Variants in ZNRF1 observed in about 807,000 individuals in gnomAD.
ZNRF1 encodes the protein E3 ubiquitin-protein ligase ZNRF1.
In ZNRF1, 3 loss-of-function variants were observed where a neutral mutation model predicts 18.4. That is an observed-to-expected ratio of 0.16 (90% CI 0.07 to 0.42). The LOEUF (loss-of-function observed/expected upper bound fraction) is 0.42. ZNRF1 is among the 10% of genes least tolerant of loss of function. The pLI is 0.99. For missense variants in ZNRF1, 310 were observed against 329.8 expected, an observed-to-expected ratio of 0.94 and a Z score of 0.47; for synonymous variants, 157 against 144.2, an observed-to-expected ratio of 1.09 and a Z score of -0.64.
chr16:75,048,278 T>G (rs1432534354), intron 1 of ZNRF1, among the ~76,000 whole-genome samples: 2 of 152,150 alleles, frequency 1.3e-5, no homozygotes, highest in Non-Finnish European at 2.9e-5. Flanking sequence ...TGAACACCAG[T>G]TATGTTGAAT....
chr16:75,058,546 T>G (rs992922322), intron 1 of ZNRF1, among the ~76,000 whole-genome samples: 10 of 152,208 alleles, frequency 6.6e-5, no homozygotes, highest in African/African-American at 2.4e-4. Context: ...ATGGGACAAC[T>G]ACTCTAGACC....
At chr16:75,015,245 C>G (rs548984194) in intron 1 of ZNRF1, among the ~76,000 whole-genome samples, 2 of 152,118 alleles carry the variant, frequency 1.3e-5, no homozygotes, top group Admixed American at 6.5e-5. Context: ...ATGTTTTCTT[C>G]TAAAAGTTTT....
intron 2 of ZNRF1, among the ~76,000 whole-genome samples, chr16:75,101,406 T>A (rs1421614861): frequency 2.6e-5 from 4 of 152,108 alleles, no homozygotes; most frequent in Non-Finnish European, 5.9e-5. Context: ...ACACAAAAAT[T>A]AGCCGGGTGT....
In ZNRF1 at chr16:75,091,166, C is replaced by G. The variant is rs181195759; in HGVS notation, c.425-2406C>G. ...CTGAGGTCAGGCATTTGAGACCAGT[C>G]TAGCCAATGTGGCGAAACCTAGTCT... On this transcript the variant is annotated intron_variant, in intron 1 of 4. Coordinates refer to ENST00000335325, the MANE Select transcript of ZNRF1 (RefSeq NM_032268.5). 1.2e-4 allele frequency among the ~76,000 whole-genome samples: 18 copies of G among 152,218 alleles called. No individual in the cohort carries two copies. In the East Asian group the frequency reaches 3.1e-3, roughly 26 times the overall value.
chr16:75,024,713 A>C (rs1205484753), intron 1 of ZNRF1, among the ~76,000 whole-genome samples: 1 of 152,246 alleles, frequency 6.6e-6, no homozygotes. Context: ...GAACTCGCAC[A>C]TGCTGTGCAG....
chr16:75,047,318 G>A (rs1345561192), intron 1 of ZNRF1, among the ~76,000 whole-genome samples: 3 of 152,064 alleles, frequency 2.0e-5, no homozygotes, highest in Admixed American at 1.3e-4. Flanking sequence ...GACTACAGGT[G>A]CATGCCACCA....
intron 1 of ZNRF1, among the ~76,000 whole-genome samples, chr16:75,009,030 T>G (rs2034960595): frequency 6.6e-6 from 1 of 152,228 alleles, no homozygotes; most frequent in Admixed American, 6.5e-5. Context: ...ACTCTTCATG[T>G]GCATCTTTAA....
At position 75,053,209 on chromosome 16, in the gene ZNRF1, A is replaced by G. The variant is rs527971985; in HGVS notation, c.425-40363A>G. ...GCTAGAACCTTAAAGTTAAACATCA[A>G]TTATCTAAATATACATATAAGGTGG... On this transcript the variant is annotated intron_variant, in intron 1 of 4. Coordinates refer to ENST00000335325, the MANE Select transcript of ZNRF1 (RefSeq NM_032268.5). Among the ~76,000 whole-genome samples, 14 of 152,316 alleles carry G rather than the reference A, an allele frequency of 9.2e-5. No individual in the cohort carries two copies. In the East Asian group the frequency reaches 1.5e-3, roughly 17 times the overall value.
rs145044650 is a variant in ZNRF1, at chr16:75,081,066, C to T, written c.425-12506C>T. ...TGCGCGCCTGTAGTTCCAGCTACTCCGGAGGCTGAGACAGGAGAATGGCGT... is the reference window on the plus strand; with the variant it reads ...TGCGCGCCTGTAGTTCCAGCTACTCTGGAGGCTGAGACAGGAGAATGGCGT... On this transcript the variant is annotated intron_variant, in intron 1 of 4. Transcript: ENST00000335325. Among the ~76,000 whole-genome samples the T allele has an allele frequency of 6.0e-3, 900 of 150,862 alleles. 4 individuals carry two copies. The highest frequency in any genetic ancestry group is 0.013 in the Admixed American group (193 of 15,110).
chr16:75,046,707 C>G (rs2035520567), intron 1 of ZNRF1: 1 of 152,440 alleles, frequency 6.6e-6, no homozygotes, highest in Non-Finnish European at 1.5e-5. Flanking sequence ...TCCCAAGTAG[C>G]TGGGACTACA....
chr16:75,070,727 G>T (rs183399007), intron 1 of ZNRF1, among the ~76,000 whole-genome samples: 1 of 152,030 alleles, frequency 6.6e-6, no homozygotes, highest in Non-Finnish European at 1.5e-5. Flanking sequence ...ACTTGTAACA[G>T]CGTGGACTTG....
intron 1 of ZNRF1, among the ~76,000 whole-genome samples, chr16:75,016,506 C>G (rs1281786077): frequency 6.6e-6 from 1 of 151,948 alleles, no homozygotes; most frequent in Non-Finnish European, 1.5e-5. Context: ...TTCCAAAGTG[C>G]TGGGATTACA....
At chr16:75,056,884 G>A (rs957345937) in intron 1 of ZNRF1, among the ~76,000 whole-genome samples, 5 of 152,048 alleles carry the variant, frequency 3.3e-5, no homozygotes, top group Non-Finnish European at 2.9e-5. Context: ...TGATCCACCC[G>A]CCTTGGCCTC....
intron 1 of ZNRF1, among the ~76,000 whole-genome samples, chr16:75,016,348 C>T (rs1413961687): frequency 6.6e-6 from 1 of 151,818 alleles, no homozygotes; most frequent in East Asian, 1.9e-4. Context: ...AAGCAATTCT[C>T]CCACCTCAGC....
At chr16:75,001,756 T>C (rs1315684696) in intron 1 of ZNRF1, among the ~76,000 whole-genome samples, 1 of 152,186 alleles carries the variant, frequency 6.6e-6, no homozygotes, top group Admixed American at 6.5e-5. Flanking sequence ...GGAGTGCTTT[T>C]TTTGCTAAAA....
At chr16:75,053,741 T>A (rs1403493807) in intron 1 of ZNRF1, among the ~76,000 whole-genome samples, 1 of 152,200 alleles carries the variant, frequency 6.6e-6, no homozygotes, top group Non-Finnish European at 1.5e-5. Context: ...ACATAAGTAG[T>A]AATTTCCTCA....
At chr16:75,025,946 C>T (rs1356296625) in intron 1 of ZNRF1, among the ~76,000 whole-genome samples, 1 of 152,188 alleles carries the variant, frequency 6.6e-6, no homozygotes, top group African/African-American at 2.4e-5. Flanking sequence ...TGCACTCAGC[C>T]TGGTGCTTTT....
intron 1 of ZNRF1, among the ~76,000 whole-genome samples, chr16:75,015,490 G>A (rs1191534450): frequency 1.3e-5 from 2 of 152,144 alleles, no homozygotes; most frequent in African/African-American, 4.8e-5. Context: ...CAGGAGAATC[G>A]TTTGAACCTG....
chr16:75,109,030 C>A lies in ZNRF1; in HGVS notation c.*1330C>A, dbSNP rs560669987. The A allele has an allele frequency of 3.2e-4, 49 of 154,012 alleles. No individual in the cohort carries two copies. Among genetic ancestry groups the A allele is most frequent in the African/African-American group, 1.2e-3 (49 of 41,668 alleles). The allele number at this position is 154,012 out of a possible 1,614,324, so 9.5% of individuals were successfully genotyped here. A position where few individuals can be genotyped will look rare whatever the true frequency, so the allele number is the denominator to read the frequency against. ...GAGGCTGCAAGGATGTGGGTTCTTCCAGGTGTGGGCCCAGCCCCCCTCCTT... is the reference window on the plus strand; with the variant it reads ...GAGGCTGCAAGGATGTGGGTTCTTCAAGGTGTGGGCCCAGCCCCCCTCCTT... On this transcript the variant is annotated 3_prime_UTR_variant, in exon 5 of 5. Transcript: ENST00000335325.
Sources: gnomAD v4.1 joint callset for allele counts (sites outside exome capture counted in the v4.1 genomes callset) on GRCh38, gnomAD v4.1.1 for gene constraint, MANE v1.5 for transcripts, NCBI Gene and HGNC (gene_info 2026-07-23, HGNC 2026-07-21) for gene names.